RUVBL1: variants seen among roughly 807,000 people sequenced by gnomAD.
The protein encoded by RUVBL1 is ruvB-like 1.
Under a neutral mutation model 52.4 loss-of-function variants are expected in RUVBL1, and 4 were observed. The ratio of observed to expected loss-of-function variants is 0.08; its 90% CI spans 0.04 to 0.17. RUVBL1 has a LOEUF of 0.17. Ranked by LOEUF, RUVBL1 falls within the 10% of genes least tolerant of loss-of-function variation. The pLI is 1.00. For synonymous variants in RUVBL1, 217 were observed against 214.4 expected, an observed-to-expected ratio of 1.01 and a Z score of -0.10; for missense variants, 298 against 572.8, an observed-to-expected ratio of 0.52 and a Z score of 4.90.
At chr3:128,148,745 T>C (rs1355637579) in intron 1 of RUVBL1, among the ~76,000 whole-genome samples, 1 of 152,214 alleles carries the variant, frequency 6.6e-6, no homozygotes. Context: ...CAAGCACATA[T>C]ATATAGAGAG....
chr3:128,113,047 G>A (rs1316200402), intron 2 of RUVBL1, 27 bp from the exon 3 acceptor site: 1 of 1,610,922 alleles, frequency 6.2e-7, no homozygotes, highest in Non-Finnish European at 8.5e-7. Flanking sequence ...CGGAAACACA[G>A]TTCACAGTCC....
At chr3:128,100,472 T>A in intron 6 of RUVBL1, 123 bp downstream of exon 6, 1 of 1,171,024 alleles carries the variant, frequency 8.5e-7, no homozygotes, top group Non-Finnish European at 1.2e-6. Flanking sequence ...TTGCTGAACA[T>A]TACAGATAGA....
At chr3:128,129,300 C>G (rs577816186) in intron 1 of RUVBL1, among the ~76,000 whole-genome samples, 46 of 152,258 alleles carry the variant, frequency 3.0e-4, no homozygotes, top group African/African-American at 9.9e-4. Context: ...ACCATACATT[C>G]TTAAACAATT....
Position 128,111,574 on chromosome 3 carries a change from T to C in RUVBL1, c.361+1314A>G, listed in dbSNP as rs147295300. 3.3e-4 allele frequency among the ~76,000 whole-genome samples: 50 copies of C among 152,298 alleles called. No homozygotes were observed. In the East Asian group the frequency reaches 5.4e-3, roughly 16 times the overall value. On this transcript the variant is annotated intron_variant, in intron 3 of 10. Transcript: ENST00000322623. ...ACCACCCTGGTCCAAGCCACTATTT[T>C]GTCCTGCTCAGACTCCTCTCTGCCC...
chr3:128,066,860 G>C, intron 9 of RUVBL1: 1 of 1,208,812 alleles, frequency 8.3e-7, no homozygotes, highest in Non-Finnish European at 1.2e-6. Context: ...TTCCTCCCTT[G>C]TGGCCCACTG....
chr3:128,080,492 G>A (rs930089308), downstream of RUVBL1, among the ~76,000 whole-genome samples: 14 of 152,148 alleles, frequency 9.2e-5, no homozygotes, highest in African/African-American at 3.1e-4. Context: ...CACCATCAAC[G>A]ATGAGTCATG....
chr3:128,119,690 A>AC (rs1367528183), intron 1 of RUVBL1, among the ~76,000 whole-genome samples: 1 of 152,230 alleles, frequency 6.6e-6, no homozygotes, highest in Non-Finnish European at 1.5e-5. Flanking sequence ...ATGAGAGAGA[A>AC]CGAGTGGCTA....
chr3:128,147,828 C>T (rs1309473431), intron 1 of RUVBL1, among the ~76,000 whole-genome samples: 1 of 152,174 alleles, frequency 6.6e-6, no homozygotes, highest in Non-Finnish European at 1.5e-5. Context: ...ATAGCCAAAA[C>T]CTGGAAACAA....
chr3:128,108,873 C>T (rs909268800), intron 3 of RUVBL1, among the ~76,000 whole-genome samples: 3 of 151,982 alleles, frequency 2.0e-5, no homozygotes, highest in Non-Finnish European at 2.9e-5. Context: ...CCAAATACAA[C>T]GTAAAAATCC....
downstream of RUVBL1, among the ~76,000 whole-genome samples, chr3:128,079,715 C>T (rs992378408): frequency 1.3e-5 from 2 of 152,196 alleles, no homozygotes; most frequent in African/African-American, 2.4e-5. Context: ...GCAGCAGGGA[C>T]GGCTGGGGCC....
chr3:128,107,575 C>A (rs1254965717), intron 3 of RUVBL1, among the ~76,000 whole-genome samples: 1 of 152,212 alleles, frequency 6.6e-6, no homozygotes. Flanking sequence ...CCCAGAAACC[C>A]AGTCAGGACA....
chr3:128,106,619 T>C (rs1300174720), intron 3 of RUVBL1, among the ~76,000 whole-genome samples: 6 of 152,090 alleles, frequency 3.9e-5, no homozygotes, highest in Admixed American at 3.9e-4. Flanking sequence ...GCACAGCACA[T>C]AGGCAGGTAG....
rs943697623 is a variant in RUVBL1, at chr3:128,123,754, T to C, written c.-30A>G. 13 of 1,583,902 alleles carry C rather than the reference T, an allele frequency of 8.2e-6. No homozygotes were observed. Among genetic ancestry groups the C allele is most frequent in the Admixed American group, 3.4e-5 (2 of 59,294 alleles). ...CAGACGCCGGGAGCTAAAACCAGCG[T>C]GGAAAACCAGCAGCTAGGACAGTGC... On this transcript the variant is annotated 5_prime_UTR_variant, in exon 1 of 11. Coordinates refer to ENST00000322623, the MANE Select transcript of RUVBL1 (RefSeq NM_003707.3).
intron 1 of RUVBL1, among the ~76,000 whole-genome samples, chr3:128,138,646 G>T (rs943981812): frequency 5.3e-5 from 8 of 152,054 alleles, no homozygotes; most frequent in African/African-American, 1.7e-4. Context: ...TACAGATTCA[G>T]TGCAATCCCT....
At chr3:128,105,866 T>A (rs1214541909) in intron 3 of RUVBL1, among the ~76,000 whole-genome samples, 2 of 13,794 alleles carry the variant, frequency 1.4e-4, no homozygotes, top group African/African-American at 2.3e-4. Flanking sequence ...TCCCTTTTTC[T>A]TTTTTTTTTT....
At chr3:128,126,440 G>A (rs997657975), upstream of RUVBL1, among the ~76,000 whole-genome samples, 1 of 152,092 alleles carries the variant, frequency 6.6e-6, no homozygotes, top group Non-Finnish European at 1.5e-5. Flanking sequence ...CAGCTACTCA[G>A]GAGGCTGAGG....
intron 1 of RUVBL1, among the ~76,000 whole-genome samples, chr3:128,148,071 A>C (rs909433884): frequency 1.3e-5 from 2 of 152,108 alleles, no homozygotes; most frequent in African/African-American, 4.8e-5. Context: ...GAGAACATAG[A>C]TAACTATCTG....
chr3:128,145,741 T>C (rs532669922), intron 1 of RUVBL1, among the ~76,000 whole-genome samples: 4 of 152,302 alleles, frequency 2.6e-5, no homozygotes, highest in African/African-American at 7.2e-5. Flanking sequence ...AACTAAGGAA[T>C]CTTAGTCCTA....
intron 8 of RUVBL1, among the ~76,000 whole-genome samples, chr3:128,088,730 G>A (rs1034583710): frequency 1.3e-5 from 2 of 151,872 alleles, no homozygotes; most frequent in African/African-American, 4.8e-5. Context: ...AGCCTCCCGA[G>A]TAGCTTGGAG....
Sources: allele counts gnomAD v4.1 joint callset (sites outside exome capture counted in the v4.1 genomes callset), GRCh38; gene constraint gnomAD v4.1.1; transcripts MANE v1.5; gene names NCBI Gene and HGNC (gene_info 2026-07-23, HGNC 2026-07-21).